Variants in GFOD1 observed in about 807,000 individuals in gnomAD.
GFOD1 encodes the protein glucose-fructose oxidoreductase domain-containing protein 1.
Under a neutral mutation model 25.4 loss-of-function variants are expected in GFOD1, and 9 were observed. That is an observed-to-expected ratio of 0.35 (90% CI 0.21 to 0.62). The LOEUF (loss-of-function observed/expected upper bound fraction) is 0.62, where lower values mean the gene tolerates loss of function less well. Among genes scored for constraint, GFOD1 ranks in the 20% least tolerant of loss-of-function variants. GFOD1 has a pLI of 0.72. For synonymous variants in GFOD1, 253 were observed against 245.6 expected, an observed-to-expected ratio of 1.03 and a Z score of -0.28; for missense variants, 403 against 556.9, an observed-to-expected ratio of 0.72 and a Z score of 2.78.
In GFOD1 at chr6:13,373,741, A is replaced by AACACACACACACACACACACAC. The variant is rs10530031; in HGVS notation, c.254-8101_254-8080dup. Among the ~76,000 whole-genome samples, 58 of 129,590 alleles carry AACACACACACACACACACACAC rather than the reference A, an allele frequency of 4.5e-4. No individual in the cohort carries two copies. The East Asian group carries it at 4.6e-3, about 10-fold the overall frequency. 85.0% of individuals were successfully genotyped at this position (129,590 alleles called of 152,430 possible). ...CTGCTAATCTCCTTCCTGCTCCCCC[A>AACACACACACACACACACACAC]ACACACACACACACACACACACACA... On this transcript the variant is annotated intron_variant, in intron 1 of 1. Transcript: ENST00000379287.
At chr6:13,433,975 C>T (rs1021925691) in intron 1 of GFOD1, among the ~76,000 whole-genome samples, 2 of 152,256 alleles carry the variant, frequency 1.3e-5, no homozygotes, top group African/African-American at 2.4e-5. Context: ...CACCAGGCCC[C>T]TGAATACTAA....
At chr6:13,481,685 C>T (rs564008714) in intron 1 of GFOD1, among the ~76,000 whole-genome samples, 2 of 152,222 alleles carry the variant, frequency 1.3e-5, no homozygotes, top group Non-Finnish European at 2.9e-5. Context: ...CTTGGGGACA[C>T]AAAGGTGAGT....
At chr6:13,386,990 C>T (rs1403060334) in intron 1 of GFOD1, among the ~76,000 whole-genome samples, 1 of 152,178 alleles carries the variant, frequency 6.6e-6, no homozygotes, top group African/African-American at 2.4e-5. Flanking sequence ...TCTCATTTCT[C>T]AGAGTCCCAG....
intron 1 of GFOD1, among the ~76,000 whole-genome samples, chr6:13,455,107 T>C (rs956848279): frequency 3.3e-5 from 5 of 152,118 alleles, no homozygotes; most frequent in Non-Finnish European, 7.4e-5. Flanking sequence ...ACCAGGGCTC[T>C]ACACACAAAC....
chr6:13,458,786 A>AAAAAAAAG (rs1758238569), intron 1 of GFOD1, among the ~76,000 whole-genome samples: 1 of 144,434 alleles, frequency 6.9e-6, no homozygotes, highest in Non-Finnish European at 1.5e-5. Context: ...AAAAAAAAAA[A>AAAAAAAAG]GTGAGAGGGG....
chr6:13,415,791 A>T (rs2127567088), intron 1 of GFOD1, among the ~76,000 whole-genome samples: 1 of 152,278 alleles, frequency 6.6e-6, no homozygotes, highest in East Asian at 1.9e-4. Context: ...CTAACTGACC[A>T]CCATTATTAT....
intron 1 of GFOD1, among the ~76,000 whole-genome samples, chr6:13,457,256 CAG>C (rs781531767): frequency 5.3e-5 from 8 of 152,160 alleles, no homozygotes; most frequent in Non-Finnish European, 1.0e-4. Context: ...TGAAATTTTC[CAG>C]AGTCTAAAAT....
At chr6:13,457,218 A>G (rs1758204690) in intron 1 of GFOD1, among the ~76,000 whole-genome samples, 1 of 152,238 alleles carries the variant, frequency 6.6e-6, no homozygotes, top group Non-Finnish European at 1.5e-5. Context: ...GGCACCTGCC[A>G]GGAATTTGAG....
chr6:13,386,916 G>A (rs771960069), intron 1 of GFOD1, among the ~76,000 whole-genome samples: 38 of 152,244 alleles, frequency 2.5e-4, no homozygotes, highest in Admixed American at 7.2e-4. Context: ...AGAAGTTTGG[G>A]AAATGCTGGT....
intron 1 of GFOD1, among the ~76,000 whole-genome samples, chr6:13,381,901 A>G (rs1562198971): frequency 2.0e-5 from 2 of 98,528 alleles, no homozygotes; most frequent in South Asian, 3.3e-4. Context: ...GAAATAAAAC[A>G]CACACGCGCG....
At chr6:13,370,189 G>C (rs756069709) in intron 1 of GFOD1, among the ~76,000 whole-genome samples, 2 of 152,202 alleles carry the variant, frequency 1.3e-5, no homozygotes, top group African/African-American at 4.8e-5. Flanking sequence ...AATCTTGAAA[G>C]CTTCAGAAGC....
At chr6:13,426,905 C>T (rs1786362599) in intron 1 of GFOD1, among the ~76,000 whole-genome samples, 1 of 152,200 alleles carries the variant, frequency 6.6e-6, no homozygotes, top group Non-Finnish European at 1.5e-5. Context: ...GTTTGAGTCT[C>T]ATCTCTTTCT....
At chr6:13,403,368 C>T (rs929306768) in intron 1 of GFOD1, among the ~76,000 whole-genome samples, 3 of 152,106 alleles carry the variant, frequency 2.0e-5, no homozygotes, top group South Asian at 2.1e-4. Flanking sequence ...TCAGGTGATC[C>T]GCCTGCCTCG....
chr6:13,390,826 A>T (rs548363584), intron 1 of GFOD1, among the ~76,000 whole-genome samples: 3 of 150,054 alleles, frequency 2.0e-5, no homozygotes, highest in Non-Finnish European at 4.4e-5. Flanking sequence ...GAAGGAAGGA[A>T]GGATAATAAC....
In GFOD1 at chr6:13,365,265, G is replaced by A. The variant is rs1188204110; in HGVS notation, c.651C>T (p.Ser217=). 5 of 1,614,194 alleles carry A rather than the reference G, an allele frequency of 3.1e-6. No individual in the cohort carries two copies. The highest frequency in any genetic ancestry group is 1.7e-5 in the Admixed American group (1 of 60,030). ...CCATCTGGAAGGTGCAGAAGTCATCGCTGGTGATCTGTCGGATGCCCTTGA... is the reference window on the plus strand; with the variant it reads ...CCATCTGGAAGGTGCAGAAGTCATCACTGGTGATCTGTCGGATGCCCTTGA... ...DHIKGIRQIT[S]DDFCTFQMVL... Residue 217 remains serine, a synonymous_variant, in exon 2 of 2, where the codon AGC becomes AGT. Coordinates refer to ENST00000379287, the MANE Select transcript of GFOD1 (RefSeq NM_018988.4). The surrounding 1 kb of genome is among the most constrained non-coding windows in gnomAD (Gnocchi z 9.2).
chr6:13,459,182 G>A (rs1554205033), intron 1 of GFOD1, among the ~76,000 whole-genome samples: 1 of 152,078 alleles, frequency 6.6e-6, no homozygotes, highest in Non-Finnish European at 1.5e-5. Flanking sequence ...GAACAGAATA[G>A]AGATCTCAGA....
At position 13,364,843 on chromosome 6, in the gene GFOD1, T is replaced by A. The variant is rs1333513766; in HGVS notation, c.1073A>T (p.Glu358Val). 6.2e-7 allele frequency: 1 copy of A among 1,614,042 alleles called. No individual in the cohort carries two copies. The highest frequency in any genetic ancestry group is 2.2e-5 in the East Asian group (1 of 44,868). Reference sequence around the variant, plus strand: ...GGTCATGATGGCAATGTTCTGCCACTCGCCCGTCTGGCTGGACCTCTTGAT... The same window carrying A: ...GGTCATGATGGCAATGTTCTGCCACACGCCCGTCTGGCTGGACCTCTTGAT... Reference protein sequence around the residue: ...DTIKRSSQTGEWQNIAIMTEE... With the variant: ...DTIKRSSQTGVWQNIAIMTEE... The change falls in exon 2 of 2, where the codon GAG becomes GTG. Residue 358 changes from glutamate (E) to valine (V), a missense_variant. By Grantham distance (121) the Glu-to-Val change is moderately radical. Transcript: ENST00000379287. The surrounding 1 kb of genome is among the most constrained non-coding windows in gnomAD (Gnocchi z 4.1).
intron 1 of GFOD1, among the ~76,000 whole-genome samples, chr6:13,424,503 C>G (rs538201924): frequency 5.9e-5 from 9 of 152,280 alleles, no homozygotes; most frequent in African/African-American, 2.2e-4. Flanking sequence ...TACTTTAATA[C>G]TTACCCTAAA....
intron 1 of GFOD1, among the ~76,000 whole-genome samples, chr6:13,450,084 T>TC (rs1584659152): frequency 6.6e-6 from 1 of 152,140 alleles, no homozygotes; most frequent in East Asian, 1.9e-4. Flanking sequence ...CAAATTCTGT[T>TC]CCTGAGAATT....
Sources: gnomAD v4.1 joint callset for allele counts (sites outside exome capture counted in the v4.1 genomes callset) on GRCh38, gnomAD v4.1.1 for gene constraint, Gnocchi (gnomAD v3.1) non-coding constraint, MANE v1.5 for transcripts, NCBI Gene and HGNC (gene_info 2026-07-23, HGNC 2026-07-21) for gene names.